The following LIPK variants were observed in gnomAD, a reference collection of about 807,000 sequenced individuals.
LIPK encodes the protein lipase family member K.
A neutral mutation model predicts 48.6 loss-of-function variants in LIPK; 32 were observed. The observed-to-expected ratio is 0.66, with a 90% confidence interval of 0.50 to 0.88. The LOEUF (loss-of-function observed/expected upper bound fraction) is 0.88, where lower values mean the gene tolerates loss of function less well. Ranked by LOEUF, LIPK falls within the 40% of genes least tolerant of loss-of-function variation. LIPK has a pLI of 0.00. For synonymous variants in LIPK, 164 were observed against 157.4 expected (o/e 1.04, Z -0.32); for missense variants, 507 against 478.5 (o/e 1.06, Z -0.56).
At chr10:88,746,174 T>C (rs1842762842) in intron 9 of LIPK, among the ~76,000 whole-genome samples, 2 of 152,086 alleles carry the variant, frequency 1.3e-5, no homozygotes, top group South Asian at 4.1e-4. Flanking sequence ...CACACAACAA[T>C]AGTGGGAGAC....
intron 9 of LIPK, among the ~76,000 whole-genome samples, chr10:88,745,667 A>G (rs1218441098): frequency 6.6e-6 from 1 of 152,232 alleles, no homozygotes. Flanking sequence ...ACCAGATACT[A>G]CAAAAGCACA....
chr10:88,734,265 T>C (rs1842525352), intron 6 of LIPK, among the ~76,000 whole-genome samples: 2 of 152,218 alleles, frequency 1.3e-5, no homozygotes. Context: ...GATGGCATTT[T>C]AGTTTGGGCT....
At chr10:88,731,564 T>C (rs922144438) in intron 4 of LIPK, among the ~76,000 whole-genome samples, 2 of 152,246 alleles carry the variant, frequency 1.3e-5, no homozygotes, top group Non-Finnish European at 2.9e-5. Flanking sequence ...TGCACTGGCA[T>C]AGGAGCTAAG....
intron 2 of LIPK, 108 bp downstream of exon 2, chr10:88,724,756 C>G (rs761444781): frequency 1.4e-4 from 100 of 693,774 alleles, no homozygotes; most frequent in Non-Finnish European, 1.1e-4. Flanking sequence ...CCTCCAGTGA[C>G]TAAGTCTGTG....
chr10:88,724,141 C>G (rs1021518682), intron 1 of LIPK, among the ~76,000 whole-genome samples: 6 of 152,136 alleles, frequency 3.9e-5, no homozygotes, highest in African/African-American at 1.4e-4. Flanking sequence ...CAATGATTAA[C>G]TCTACCATCA....
At chr10:88,732,137 T>G in intron 4 of LIPK, 41 bp from the exon 5 acceptor site, 49 of 1,356,706 alleles carry the variant, frequency 3.6e-5, no homozygotes, top group Non-Finnish European at 4.6e-5. Flanking sequence ...GGCCTAACAA[T>G]GAGATGACTT....
intron 1 of LIPK, among the ~76,000 whole-genome samples, chr10:88,716,498 C>T (rs1179926221): frequency 6.6e-6 from 1 of 150,406 alleles, no homozygotes; most frequent in Non-Finnish European, 1.5e-5. Flanking sequence ...GCTGGGACTA[C>T]AGGCGTGTGC....
At chr10:88,748,414 T>C (rs558049406) in intron 9 of LIPK, among the ~76,000 whole-genome samples, 6 of 152,056 alleles carry the variant, frequency 3.9e-5, no homozygotes, top group African/African-American at 1.2e-4. Flanking sequence ...GTCAGGGGTA[T>C]GAGACTAGCC....
In LIPK at chr10:88,732,232, G is replaced by C; in HGVS notation, c.477G>C (p.Glu159Asp). The change falls in exon 5 of 10, where the codon GAG becomes GAC. Residue 159 changes from glutamate to aspartate, a missense_variant. Transcript: ENST00000404190. ...CAGCCACAATCAATTTTATCATAGA[G>C]AAAACTGGACAGAAGCGACTCTACT... Reference protein sequence around the residue: ...DLPATINFIIEKTGQKRLYYV... With the variant: ...DLPATINFIIDKTGQKRLYYV... 2.2e-6 allele frequency: 3 copies of C among 1,379,566 alleles called. No individual in the cohort carries two copies. The highest frequency in any genetic ancestry group is 3.0e-6 in the Non-Finnish European group (3 of 1,000,082). 85.5% of individuals were successfully genotyped at this position (1,379,566 alleles called of 1,614,324 possible).
At chr10:88,748,789 C>A (rs898979976) in intron 9 of LIPK, among the ~76,000 whole-genome samples, 1 of 152,046 alleles carries the variant, frequency 6.6e-6, no homozygotes, top group Non-Finnish European at 1.5e-5. Context: ...AAGTCCTAGC[C>A]AGAGCAATCA....
chr10:88,729,318 C>G (rs546527435), intron 3 of LIPK, among the ~76,000 whole-genome samples: 1 of 149,822 alleles, frequency 6.7e-6, no homozygotes, highest in Non-Finnish European at 1.5e-5. Flanking sequence ...TTTCTTCTCT[C>G]TCTTCTTAGT....
chr10:88,748,361 A>T (rs916221274), intron 9 of LIPK, among the ~76,000 whole-genome samples: 3 of 152,140 alleles, frequency 2.0e-5, no homozygotes, highest in Non-Finnish European at 4.4e-5. Flanking sequence ...AAACTTGCAC[A>T]TTGTGCACAT....
At chr10:88,728,658 G>C (rs1018958177) in intron 3 of LIPK, 2 of 485,232 alleles carry the variant, frequency 4.1e-6, no homozygotes, top group African/African-American at 3.9e-5. Context: ...GCTGGAGGGC[G>C]AGGAGAGCCC....
At chr10:88,733,086 T>C (rs1443686768) in intron 6 of LIPK, among the ~76,000 whole-genome samples, 1 of 152,262 alleles carries the variant, frequency 6.6e-6, no homozygotes, top group East Asian at 1.9e-4. Context: ...TATTGCATAT[T>C]GTAAACCTTT....
chr10:88,712,360 G>A (rs1212033374), intron 1 of LIPK, among the ~76,000 whole-genome samples: 2 of 152,098 alleles, frequency 1.3e-5, no homozygotes, highest in Non-Finnish European at 2.9e-5. Context: ...AGCTATGACA[G>A]CAACAATAAA....
chr10:88,732,064 C>T (rs1382681185), intron 4 of LIPK, 114 bp from the exon 5 acceptor site: 1 of 647,934 alleles, frequency 1.5e-6, no homozygotes, highest in Non-Finnish European at 2.6e-6. Context: ...TATATCGACA[C>T]TAGTCTTATA....
intron 2 of LIPK, among the ~76,000 whole-genome samples, chr10:88,724,875 G>C (rs926450658): frequency 1.1e-4 from 16 of 152,152 alleles, no homozygotes; most frequent in Admixed American, 8.5e-4. Context: ...ACCATCCAGT[G>C]GTGGCTTCCT....
At chr10:88,745,552 A>T (rs1397008417) in intron 9 of LIPK, among the ~76,000 whole-genome samples, 2 of 152,220 alleles carry the variant, frequency 1.3e-5, no homozygotes, top group Non-Finnish European at 2.9e-5. Context: ...AGTGAAGAAA[A>T]TATAAAATAT....
At chr10:88,733,079 T>A (rs897579375) in intron 6 of LIPK, among the ~76,000 whole-genome samples, 3 of 152,222 alleles carry the variant, frequency 2.0e-5, no homozygotes, top group African/African-American at 7.2e-5. Context: ...AACAATGTAT[T>A]GCATATTGTA....
Sources: gnomAD v4.1 joint callset for allele counts (sites outside exome capture counted in the v4.1 genomes callset) on GRCh38, gnomAD v4.1.1 for gene constraint, MANE v1.5 for transcripts, NCBI Gene and HGNC (gene_info 2026-07-23, HGNC 2026-07-21) for gene names.